Variants in PREP observed in about 807,000 individuals in gnomAD.
PREP encodes the protein prolyl endopeptidase.
PREP carries 29 observed loss-of-function variants against 87.6 expected under a neutral mutation model. That is an observed-to-expected ratio of 0.33 (90% CI 0.25 to 0.45). The LOEUF (loss-of-function observed/expected upper bound fraction) is 0.45. Ranked by LOEUF, PREP falls within the 20% of genes least tolerant of loss-of-function variation. PREP has a pLI of 1.00. For synonymous variants in PREP, 337 were observed against 328.6 expected (o/e 1.03, Z -0.28); for missense variants, 695 against 886.5 (o/e 0.78, Z 2.74).
At chr6:105,316,864 T>C (rs1274913273) in intron 10 of PREP, among the ~76,000 whole-genome samples, 1 of 152,132 alleles carries the variant, frequency 6.6e-6, no homozygotes, top group Non-Finnish European at 1.5e-5. Context: ...TCTGTAAGGA[T>C]CTACAAAGTA....
intron 2 of PREP, among the ~76,000 whole-genome samples, chr6:105,384,213 T>A (rs1256989968): frequency 6.6e-6 from 1 of 152,070 alleles, no homozygotes; most frequent in Non-Finnish European, 1.5e-5. Context: ...CTGCGGCTCA[T>A]CTCAGGGCTT....
chr6:105,309,382 T>C (rs1770713087), intron 10 of PREP, among the ~76,000 whole-genome samples: 1 of 151,696 alleles, frequency 6.6e-6, no homozygotes, highest in Non-Finnish European at 1.5e-5. Flanking sequence ...CAACACAAAC[T>C]CTCAATATTG....
At chr6:105,325,573 C>A (rs1771133406) in intron 9 of PREP, among the ~76,000 whole-genome samples, 2 of 152,116 alleles carry the variant, frequency 1.3e-5, no homozygotes, top group African/African-American at 4.8e-5. Context: ...GTCCTGTGCA[C>A]CAGAAGTGGT....
Position 105,295,017 on chromosome 6 carries a change from C to T in PREP, c.1318-6123G>A, listed in dbSNP as rs187000468. Among the ~76,000 whole-genome samples the T allele has an allele frequency of 2.0e-5, 3 of 152,226 alleles. No individual in the cohort carries two copies. The East Asian group carries it at 5.8e-4, about 29-fold the overall frequency. ...TCCTCCCCCAGGCTGCTGGACACTCCGGAAATGGCAACTTGCTTCATTACA... is the reference window on the plus strand; with the variant it reads ...TCCTCCCCCAGGCTGCTGGACACTCTGGAAATGGCAACTTGCTTCATTACA... On this transcript the variant is annotated intron_variant, in intron 10 of 14. Coordinates refer to ENST00000652536, the MANE Select transcript of PREP (RefSeq NM_002726.5).
intron 11 of PREP, among the ~76,000 whole-genome samples, chr6:105,286,913 T>C (rs1447377188): frequency 7.8e-3 from 1 of 128 alleles, no homozygotes; most frequent in Non-Finnish European, 0.019. Context: ...CAGTGTTGTC[T>C]TGATCCTGGA....
chr6:105,364,790 A>G (rs1222064768), intron 6 of PREP, among the ~76,000 whole-genome samples: 2 of 152,262 alleles, frequency 1.3e-5, no homozygotes, highest in South Asian at 2.1e-4. Flanking sequence ...TTTCTGTTCC[A>G]GTACAGTCCT....
At chr6:105,342,803 C>T (rs1481722699) in intron 7 of PREP, among the ~76,000 whole-genome samples, 1 of 152,186 alleles carries the variant, frequency 6.6e-6, no homozygotes, top group African/African-American at 2.4e-5. Context: ...AATAAAATAC[C>T]TAGGAATCCA....
At chr6:105,312,407 G>C (rs1770776615) in intron 10 of PREP, among the ~76,000 whole-genome samples, 1 of 152,184 alleles carries the variant, frequency 6.6e-6, no homozygotes, top group South Asian at 2.1e-4. Context: ...TGAGAAGATG[G>C]TTTAAATTTT....
At chr6:105,290,134 T>C (rs1251920902) in intron 10 of PREP, among the ~76,000 whole-genome samples, 2 of 152,188 alleles carry the variant, frequency 1.3e-5, no homozygotes, top group African/African-American at 2.4e-5. Flanking sequence ...TGACGAATCA[T>C]GGAGAATACA....
intron 7 of PREP, among the ~76,000 whole-genome samples, chr6:105,338,540 G>A (rs1472646375): frequency 6.6e-6 from 1 of 152,218 alleles, no homozygotes; most frequent in Non-Finnish European, 1.5e-5. Context: ...ACTGGGGCTT[G>A]TCAGACAGTG....
intron 2 of PREP, among the ~76,000 whole-genome samples, chr6:105,386,760 T>G (rs1416137165): frequency 6.6e-6 from 1 of 152,206 alleles, no homozygotes; most frequent in Non-Finnish European, 1.5e-5. Context: ...AATAGGGGTC[T>G]TGGAAAACAG....
At chr6:105,343,852 A>G (rs989215532) in intron 7 of PREP, among the ~76,000 whole-genome samples, 2 of 152,262 alleles carry the variant, frequency 1.3e-5, no homozygotes, top group African/African-American at 4.8e-5. Context: ...AATGGTGATC[A>G]TTAAAAAGTC....
intron 2 of PREP, among the ~76,000 whole-genome samples, chr6:105,378,385 G>A (rs774660797): frequency 6.6e-6 from 1 of 152,192 alleles, no homozygotes; most frequent in African/African-American, 2.4e-5. Context: ...GCTTGAATCC[G>A]GGAGGCAGAG....
rs113931911 is a variant in PREP, at chr6:105,359,013, T to C, written c.718-5936A>G. Among the ~76,000 whole-genome samples, 749 of 152,208 alleles carry C rather than the reference T, an allele frequency of 4.9e-3. 2 individuals are homozygous for C. Among genetic ancestry groups the C allele is most frequent in the African/African-American group, 0.017 (693 of 41,538 alleles). On this transcript the variant is annotated intron_variant, in intron 6 of 14. Coordinates refer to ENST00000652536, the MANE Select transcript of PREP (RefSeq NM_002726.5). ...AAGTGGCTGATCTTAATAGGAAAAT[T>C]TCGGTCAACTTCCTGTCCCCAGCCA... is the stretch of plus-strand genomic sequence containing the variant.
intron 9 of PREP, 65 bp from the exon 10 acceptor site, chr6:105,323,833 C>A: frequency 3.0e-6 from 4 of 1,329,404 alleles, no homozygotes; most frequent in Non-Finnish European, 4.3e-6. Flanking sequence ...GGGCAAGGAT[C>A]ACAAACCACA....
At chr6:105,390,117 G>A (rs984546275) in intron 2 of PREP, among the ~76,000 whole-genome samples, 1 of 152,084 alleles carries the variant, frequency 6.6e-6, no homozygotes, top group Non-Finnish European at 1.5e-5. Flanking sequence ...TGAGACAGGC[G>A]GAGAAGGTGG....
In PREP at chr6:105,383,704, C is replaced by T. The variant is rs187203072; in HGVS notation, c.121-6185G>A. On this transcript the variant is annotated intron_variant, in intron 2 of 14. Coordinates refer to ENST00000652536, the MANE Select transcript of PREP (RefSeq NM_002726.5). ...GTGTGGGTAAATCAACTCGTTCCCT[C>T]ACTGGGACTAGTTACTATCAATTAG... Among the ~76,000 whole-genome samples the T allele has an allele frequency of 7.1e-4, 108 of 152,232 alleles. 1 individual carries two copies. Among genetic ancestry groups the T allele is most frequent in the South Asian group, 6.4e-3 (31 of 4,810 alleles).
intron 2 of PREP, among the ~76,000 whole-genome samples, chr6:105,380,613 G>A (rs1772812093): frequency 6.6e-6 from 1 of 152,102 alleles, no homozygotes; most frequent in Admixed American, 6.5e-5. Flanking sequence ...TAATGGGAGT[G>A]GAAACAGAGA....
chr6:105,396,303 A>G (rs1773283604), intron 2 of PREP, among the ~76,000 whole-genome samples: 1 of 152,254 alleles, frequency 6.6e-6, no homozygotes, highest in Non-Finnish European at 1.5e-5. Context: ...CAAAGGATAA[A>G]AAGAAGTTGT....
Sources: allele counts gnomAD v4.1 joint callset (sites outside exome capture counted in the v4.1 genomes callset), GRCh38; gene constraint gnomAD v4.1.1; transcripts MANE v1.5; gene names NCBI Gene and HGNC (gene_info 2026-07-23, HGNC 2026-07-21).